NFIA: variants seen among roughly 807,000 people sequenced by gnomAD.
The protein encoded by NFIA is nuclear factor I A, also known as nuclear factor 1 A-type.
NFIA carries 8 observed loss-of-function variants against 62.8 expected under a neutral mutation model. The observed-to-expected ratio is 0.13, with a 90% CI of 0.07 to 0.23. The LOEUF (loss-of-function observed/expected upper bound fraction) is 0.23, where lower values mean the gene tolerates loss of function less well. Ranked by LOEUF, NFIA falls within the 10% of genes least tolerant of loss-of-function variation. The probability of loss-of-function intolerance (pLI) is 1.00; values close to 1 mark genes in which losing one functional copy is unlikely to be tolerated. For synonymous variants in NFIA, 235 were observed against 238.1 expected, an observed-to-expected ratio of 0.99 and a Z score of 0.12; for missense variants, 410 against 642.1, an observed-to-expected ratio of 0.64 and a Z score of 3.91.
At chr1:61,136,648 C>T (rs148673006) in intron 2 of NFIA, among the ~76,000 whole-genome samples, 1 of 152,254 alleles carries the variant, frequency 6.6e-6, no homozygotes, top group East Asian at 1.9e-4. Flanking sequence ...AAAGGCTATA[C>T]TTATTAATCT....
chr1:61,433,402 A>T (rs1667190128), intron 10 of NFIA, among the ~76,000 whole-genome samples: 1 of 152,076 alleles, frequency 6.6e-6, no homozygotes, highest in East Asian at 1.9e-4. Context: ...TTGAAGCTTT[A>T]TTCCATCACT....
At chr1:61,358,076 T>C (rs1302871286) in intron 5 of NFIA, among the ~76,000 whole-genome samples, 1 of 152,022 alleles carries the variant, frequency 6.6e-6, no homozygotes, top group African/African-American at 2.4e-5. Flanking sequence ...CTCCAAAAAA[T>C]GAAAATCCCT....
At chr1:61,255,534 G>GA (rs1656331527) in intron 2 of NFIA, among the ~76,000 whole-genome samples, 1 of 152,190 alleles carries the variant, frequency 6.6e-6, no homozygotes, top group Non-Finnish European at 1.5e-5. Context: ...ACAGACTAAG[G>GA]AGACATGCCA....
At chr1:61,319,582 C>T (rs993727816) in intron 3 of NFIA, among the ~76,000 whole-genome samples, 1 of 151,968 alleles carries the variant, frequency 6.6e-6, no homozygotes, top group Non-Finnish European at 1.5e-5. Flanking sequence ...ATAATGATAA[C>T]CTATGTGAAA....
intron 2 of NFIA, among the ~76,000 whole-genome samples, chr1:61,122,906 C>T (rs538851828): frequency 6.6e-6 from 1 of 152,262 alleles, no homozygotes; most frequent in South Asian, 2.1e-4. Flanking sequence ...TGCTATTTTT[C>T]CTAATGCTCT....
At chr1:61,286,490 G>A (rs1658511123) in intron 3 of NFIA, among the ~76,000 whole-genome samples, 3 of 152,020 alleles carry the variant, frequency 2.0e-5, no homozygotes, top group Admixed American at 2.0e-4. Flanking sequence ...TGTGTTAAGG[G>A]AATACAGAGA....
chr1:61,442,062 T>C (rs1486806933), intron 10 of NFIA, among the ~76,000 whole-genome samples: 1 of 152,110 alleles, frequency 6.6e-6, no homozygotes, highest in Middle Eastern at 3.2e-3. Context: ...GTCAATACTG[T>C]CAAATCTGGA....
intron 2 of NFIA, among the ~76,000 whole-genome samples, chr1:61,130,381 A>G (rs554144075): frequency 6.6e-6 from 1 of 152,334 alleles, no homozygotes; most frequent in South Asian, 2.1e-4. Context: ...ATTGCCCTGT[A>G]ACTTTCAGAT....
At chr1:61,441,437 G>A (rs1456142456) in intron 10 of NFIA, among the ~76,000 whole-genome samples, 1 of 151,794 alleles carries the variant, frequency 6.6e-6, no homozygotes, top group Admixed American at 6.6e-5. Flanking sequence ...TGCAGACAAA[G>A]GTCAAAATTC....
chr1:61,363,559 G>A (rs919161481), intron 6 of NFIA, among the ~76,000 whole-genome samples: 2 of 151,002 alleles, frequency 1.3e-5, no homozygotes, highest in African/African-American at 4.9e-5. Context: ...AACCGAGATC[G>A]TGCCATTGCA....
chr1:61,370,077 T>G (rs1411093070), intron 6 of NFIA, among the ~76,000 whole-genome samples: 1 of 152,214 alleles, frequency 6.6e-6, no homozygotes, highest in Non-Finnish European at 1.5e-5. Flanking sequence ...AATAAGTCCT[T>G]GGTCTGTGCA....
intron 2 of NFIA, among the ~76,000 whole-genome samples, chr1:61,113,343 A>G (rs1438989581): frequency 6.6e-6 from 1 of 152,110 alleles, no homozygotes; most frequent in Non-Finnish European, 1.5e-5. Flanking sequence ...CTGGAATCCC[A>G]GCACTTTGGG....
intron 2 of NFIA, among the ~76,000 whole-genome samples, chr1:61,116,250 T>C (rs1646791884): frequency 1.3e-5 from 2 of 152,116 alleles, no homozygotes; most frequent in African/African-American, 4.8e-5. Flanking sequence ...ACAGTGAAAA[T>C]GAGACCCTAA....
chr1:61,081,851 C>T, upstream of NFIA: 4 of 1,528,372 alleles, frequency 2.6e-6, no homozygotes, highest in Non-Finnish European at 1.8e-6. Context: ...GAAAGCTTCG[C>T]TGGAGAGATT....
At chr1:61,254,804 A>G (rs970761594) in intron 2 of NFIA, among the ~76,000 whole-genome samples, 3 of 152,220 alleles carry the variant, frequency 2.0e-5, no homozygotes, top group Non-Finnish European at 4.4e-5. Flanking sequence ...CCTCTGCTAC[A>G]TTGCATTGCC....
intron 2 of NFIA, among the ~76,000 whole-genome samples, chr1:61,166,868 G>A (rs189825303): frequency 6.6e-5 from 10 of 152,316 alleles, no homozygotes; most frequent in South Asian, 2.1e-4. Flanking sequence ...CTGGCCGGGC[G>A]CAGTGGCTCA....
intron 2 of NFIA, among the ~76,000 whole-genome samples, chr1:61,125,509 G>A (rs1646952840): frequency 6.6e-6 from 1 of 152,192 alleles, no homozygotes; most frequent in Admixed American, 6.5e-5. Context: ...TGACTTGGCA[G>A]CCTAACAAAT....
At chr1:61,099,253 G>T (rs1474328968) in intron 2 of NFIA, among the ~76,000 whole-genome samples, 1 of 152,200 alleles carries the variant, frequency 6.6e-6, no homozygotes, top group Non-Finnish European at 1.5e-5. Context: ...GGAGGTGCTG[G>T]AGTGGGGTGG....
chr1:61,321,141 A>G (rs773328882), intron 3 of NFIA, among the ~76,000 whole-genome samples: 7 of 152,000 alleles, frequency 4.6e-5, no homozygotes, highest in Admixed American at 1.3e-4. Flanking sequence ...TATTAAGCTT[A>G]TAAAATACTG....
Sources: gnomAD v4.1 joint callset for allele counts (sites outside exome capture counted in the v4.1 genomes callset) on GRCh38, gnomAD v4.1.1 for gene constraint, MANE v1.5 for transcripts, NCBI Gene and HGNC (gene_info 2026-07-23, HGNC 2026-07-21) for gene names.